CMYA5: variants seen among roughly 807,000 people sequenced by gnomAD.
CMYA5 encodes the protein cardiomyopathy associated 5, also known as cardiomyopathy-associated protein 5.
CMYA5 carries 246 observed loss-of-function variants against 318.9 expected under a neutral mutation model. The observed-to-expected ratio is 0.77, with a 90% CI of 0.70 to 0.86. The LOEUF (loss-of-function observed/expected upper bound fraction) is 0.86, where lower values mean the gene tolerates loss of function less well. Among genes scored for constraint, CMYA5 ranks in the 40% least tolerant of loss-of-function variants. CMYA5 has a pLI of 0.00. For synonymous variants in CMYA5, 1,641 were observed against 1,729.5 expected, an observed-to-expected ratio of 0.95 and a Z score of 1.27; for missense variants, 4,589 against 4,678.2, an observed-to-expected ratio of 0.98 and a Z score of 0.56.
chr5:79,714,640 A>C (rs111699008), intron 1 of CMYA5, among the ~76,000 whole-genome samples: 3,952 of 151,726 alleles, frequency 0.026, 186 homozygotes, highest in African/African-American at 0.091. Flanking sequence ...GGATCTCACT[A>C]TGTTGCTTGG....
chr5:79,721,697 A>G (rs1827642816), intron 1 of CMYA5, among the ~76,000 whole-genome samples: 1 of 152,218 alleles, frequency 6.6e-6, no homozygotes, highest in South Asian at 2.1e-4. Flanking sequence ...TAATAGTATC[A>G]AACTAGACTC....
At chr5:79,720,609 T>C (rs1298297928) in intron 1 of CMYA5, among the ~76,000 whole-genome samples, 3 of 151,974 alleles carry the variant, frequency 2.0e-5, no homozygotes, top group African/African-American at 7.2e-5. Flanking sequence ...GCTAATTTTG[T>C]ATTTTTACTA....
chr5:79,707,276 T>C (rs1827292609), intron 1 of CMYA5, among the ~76,000 whole-genome samples: 1 of 152,218 alleles, frequency 6.6e-6, no homozygotes, highest in African/African-American at 2.4e-5. Context: ...AGCATAACTT[T>C]ATGAATGTTT....
At position 79,730,490 on chromosome 5, in the gene CMYA5, T is replaced by A; in HGVS notation, c.1725T>A (p.Val575=). The A allele has an allele frequency of 1.2e-6, 2 of 1,613,870 alleles. No individual in the cohort carries two copies. The highest frequency in any genetic ancestry group is 1.7e-6 in the Non-Finnish European group (2 of 1,179,886). The change falls in exon 2 of 13, where the codon GTT becomes GTA. Residue 575 remains valine, a synonymous_variant. Coordinates refer to ENST00000446378, the MANE Select transcript of CMYA5 (RefSeq NM_153610.5). ...PLLAASSPEH[V]ALSEEEREEI... Reference sequence around the variant, plus strand: ...TGGCAGCATCATCTCCTGAACATGTTGCTTTGTCTGAGGAAGAAAGAGAGG... The same window carrying A: ...TGGCAGCATCATCTCCTGAACATGTAGCTTTGTCTGAGGAAGAAAGAGAGG...
intron 11 of CMYA5, 35 bp from the exon 12 acceptor site, chr5:79,793,402 T>C (rs951018116): frequency 5.4e-5 from 85 of 1,583,538 alleles, no homozygotes; most frequent in Non-Finnish European, 7.3e-5. Flanking sequence ...CGGCGATTCC[T>C]GCACTGAGCA....
chr5:79,727,343 A>G lies in CMYA5; in HGVS notation c.150-1572A>G, dbSNP rs190615274. On this transcript the variant is annotated intron_variant, in intron 1 of 12. Coordinates refer to ENST00000446378, the MANE Select transcript of CMYA5 (RefSeq NM_153610.5). Reference sequence around the variant, plus strand: ...TCTGTGGAGAAGGGTATGGGGCAGTATTAGTATTTTTAAAAAAGTTTCCAC... The same window carrying G: ...TCTGTGGAGAAGGGTATGGGGCAGTGTTAGTATTTTTAAAAAAGTTTCCAC... 6.7e-3 allele frequency among the ~76,000 whole-genome samples: 1,024 copies of G among 152,298 alleles called. 14 individuals carry two copies. Among genetic ancestry groups the G allele is most frequent in the Non-Finnish European group, 9.2e-3 (624 of 68,020 alleles).
rs183866713 is a variant in CMYA5, at chr5:79,773,795, A to G, written c.11555+10586A>G. Among the ~76,000 whole-genome samples the G allele has an allele frequency of 4.2e-4, 64 of 152,370 alleles. 1 individual carries two copies. The East Asian group carries it at 0.012, about 29-fold the overall frequency. The stretch of plus-strand genomic sequence containing the variant: ...TAACTGGCTGGATCTCCAGCAAACA[A>G]GATAGGGAGCAAGAGCTAAATGAGT... On this transcript the variant is annotated intron_variant, in intron 9 of 12. Coordinates refer to ENST00000446378, the MANE Select transcript of CMYA5 (RefSeq NM_153610.5).
At chr5:79,778,811 C>CTGTGTGTGTGTGTGTGTGTGTG (rs35461782) in intron 9 of CMYA5, among the ~76,000 whole-genome samples, 40 of 85,008 alleles carry the variant, frequency 4.7e-4, no homozygotes, top group Middle Eastern at 5.2e-3. Flanking sequence ...CTCTCTCTTT[C>CTGTGTGTGTGTGTGTGTGTGTG]TGTGTGTGTG....
At position 79,736,404 on chromosome 5, in the gene CMYA5, G is replaced by T; in HGVS notation, c.7639G>T (p.Val2547Leu). 1 of 1,610,400 alleles carries T rather than the reference G, an allele frequency of 6.2e-7. No homozygotes were observed. The highest frequency in any genetic ancestry group is 8.5e-7 in the Non-Finnish European group (1 of 1,178,096). ...KGEEKENQVY[V>L]LSEGKKQQEH... ...TGAAGAAAAAGAAAATCAGGTATAT[G>T]TGCTTTCAGAAGGAAAGAAGCAGCA... The change falls in exon 2 of 13, where the codon GTG becomes TTG. Residue 2547 changes from valine (V) to leucine (L), a missense_variant. By Grantham distance (32) the Val-to-Leu change is conservative. Coordinates refer to ENST00000446378, the MANE Select transcript of CMYA5 (RefSeq NM_153610.5).
At position 79,701,093 on chromosome 5, in the gene CMYA5, A is replaced by C. The variant is rs1021147795; in HGVS notation, c.149+11037A>C. Among the ~76,000 whole-genome samples the C allele has an allele frequency of 3.9e-4, 58 of 150,506 alleles. 1 individual carries two copies. Among genetic ancestry groups the C allele is most frequent in the African/African-American group, 1.3e-3 (55 of 41,064 alleles). ...AACCCCATCTCTACTAAAAATACAA[A>C]AAAAAAAAAAAAAAATTAGCCGAGT... On this transcript the variant is annotated intron_variant, in intron 1 of 12. Transcript: ENST00000446378.
rs1417629561 is a variant in CMYA5, at chr5:79,731,768, C to G, written c.3003C>G (p.Asp1001Glu). The change falls in exon 2 of 13, where the codon GAC becomes GAG. Residue 1001 changes from aspartate (D) to glutamate (E), a missense_variant. This residue lies in a region of CMYA5 where 2,132 missense variants were observed against 2,131.3 expected (regional missense o/e 1.00). Coordinates refer to ENST00000446378, the MANE Select transcript of CMYA5 (RefSeq NM_153610.5). ...AAGAAGCGGAACTGTTCTCTCCAGACTCAGCATCACAAGTTTCAATCCCTC... is the reference window on the plus strand; with the variant it reads ...AAGAAGCGGAACTGTTCTCTCCAGAGTCAGCATCACAAGTTTCAATCCCTC... ...DTEEAELFSP[D>E]SASQVSIPPF... is the part of the protein sequence containing the mutation. 4 of 1,613,432 alleles carry G rather than the reference C, an allele frequency of 2.5e-6. No homozygotes were observed. Among genetic ancestry groups the G allele is most frequent in the Non-Finnish European group, 3.4e-6 (4 of 1,179,662 alleles).
At chr5:79,761,413 T>G (rs1828649222) in intron 7 of CMYA5, among the ~76,000 whole-genome samples, 1 of 152,216 alleles carries the variant, frequency 6.6e-6, no homozygotes, top group Non-Finnish European at 1.5e-5. Context: ...GTTGTCCTTT[T>G]TTTATGACAT....
chr5:79,793,215 A>G (rs1406067674), intron 11 of CMYA5, among the ~76,000 whole-genome samples: 2 of 152,158 alleles, frequency 1.3e-5, no homozygotes, highest in Non-Finnish European at 2.9e-5. Context: ...TGTTGTATGT[A>G]TGTGACTGGC....
At chr5:79,770,486 C>T (rs113499101) in intron 9 of CMYA5, among the ~76,000 whole-genome samples, 9 of 152,306 alleles carry the variant, frequency 5.9e-5, no homozygotes, top group African/African-American at 1.9e-4. Context: ...ATGGGAAAAG[C>T]GTAGTATCCG....
chr5:79,727,652 G>A (rs188937502), intron 1 of CMYA5, among the ~76,000 whole-genome samples: 11 of 152,300 alleles, frequency 7.2e-5, no homozygotes, highest in Admixed American at 2.0e-4. Context: ...AATGATAACC[G>A]CAGAGGAATT....
chr5:79,748,652 C>T (rs1322137459), intron 5 of CMYA5, among the ~76,000 whole-genome samples: 1 of 152,102 alleles, frequency 6.6e-6, no homozygotes, highest in Non-Finnish European at 1.5e-5. Flanking sequence ...AAGCAATTCT[C>T]CTGCCTCAGC....
rs1352321799 is a variant in CMYA5 at position 79,735,787 on chromosome 5, C to A, written c.7022C>A (p.Thr2341Asn). 1.3e-6 allele frequency: 2 copies of A among 1,560,308 alleles called. No homozygotes were observed. The change falls in exon 2 of 13, where the codon ACT (threonine) becomes AAT (asparagine). Residue 2341 changes from threonine (T) to asparagine (N), a missense_variant. Around this residue, in one of 3 missense-constraint regions of CMYA5, gnomAD observed 2,431 missense variants for 2,495.1 expected, o/e 0.97. Transcript: ENST00000446378. Reference protein sequence around the residue: ...EAKTIVPPHVTDSKRVQKPAI... With the variant: ...EAKTIVPPHVNDSKRVQKPAI... ...AAAACTATTGTTCCTCCTCATGTTA[C>A]TGATAGTAAAAGAGTCCAGAAGCCA...
chr5:79,789,571 C>T (rs1033682457), intron 10 of CMYA5, among the ~76,000 whole-genome samples: 3 of 152,034 alleles, frequency 2.0e-5, no homozygotes, highest in African/African-American at 7.2e-5. Context: ...ATTACAGGCA[C>T]GTCCACCATG....
chr5:79,699,283 C>T (rs915303302), intron 1 of CMYA5, among the ~76,000 whole-genome samples: 1 of 152,148 alleles, frequency 6.6e-6, no homozygotes, highest in Non-Finnish European at 1.5e-5. Context: ...GTCTGATGAA[C>T]GCCATTCATA....
Sources: gnomAD v4.1 joint callset for allele counts (sites outside exome capture counted in the v4.1 genomes callset) on GRCh38, gnomAD v4.1.1 for gene constraint, gnomAD v4.1.1 regional missense constraint, MANE v1.5 for transcripts, NCBI Gene and HGNC (gene_info 2026-07-23, HGNC 2026-07-21) for gene names.